Variants in GOLGA5 observed in about 807,000 individuals in gnomAD.
GOLGA5 encodes the protein golgin subfamily A member 5.
In GOLGA5, 50 loss-of-function variants were observed where a neutral mutation model predicts 93.5. That is an observed-to-expected ratio of 0.53 (90% CI 0.43 to 0.68). The LOEUF is 0.68. Ranked by LOEUF, GOLGA5 falls within the 30% of genes least tolerant of loss-of-function variation. The pLI, the probability that GOLGA5 is intolerant of heterozygous loss-of-function variation, is 0.00. For missense variants in GOLGA5, 760 were observed against 856.4 expected, an observed-to-expected ratio of 0.89 and a Z score of 1.40; for synonymous variants, 312 against 304.5, an observed-to-expected ratio of 1.02 and a Z score of -0.26.
intron 1 of GOLGA5, among the ~76,000 whole-genome samples, chr14:92,795,581 T>A (rs939838305): frequency 3.3e-5 from 5 of 152,204 alleles, no homozygotes; most frequent in Non-Finnish European, 7.4e-5. Context: ...CATGTGTACC[T>A]GTGTACAGCA....
At chr14:92,805,385 A>G (rs544185254) in intron 2 of GOLGA5, among the ~76,000 whole-genome samples, 19 of 152,162 alleles carry the variant, frequency 1.2e-4, no homozygotes, top group East Asian at 3.9e-4. Flanking sequence ...CAGTTTATCT[A>G]TTCTCTTTTA....
intron 9 of GOLGA5, among the ~76,000 whole-genome samples, chr14:92,824,923 G>T (rs1885386548): frequency 1.3e-5 from 2 of 152,170 alleles, no homozygotes; most frequent in South Asian, 4.1e-4. Context: ...ACATCAGTGT[G>T]GTTGTGCTGA....
intron 8 of GOLGA5, among the ~76,000 whole-genome samples, chr14:92,823,809 G>C (rs1036669151): frequency 1.3e-5 from 2 of 152,024 alleles, no homozygotes; most frequent in Non-Finnish European, 2.9e-5. Context: ...TTGAGATCAT[G>C]TCAGACTTAT....
At chr14:92,824,055 T>G (rs939792724) in intron 8 of GOLGA5, among the ~76,000 whole-genome samples, 3 of 152,170 alleles carry the variant, frequency 2.0e-5, no homozygotes, top group African/African-American at 7.2e-5. Context: ...TATTGTTTTA[T>G]ATTCTGCCAC....
chr14:92,824,728 C>A, intron 9 of GOLGA5, 84 bp downstream of exon 9: 1 of 711,374 alleles, frequency 1.4e-6, no homozygotes, highest in South Asian at 1.8e-5. Context: ...AGAACTTTCC[C>A]CGTGTTTTCA....
At chr14:92,811,255 TA>T (rs1363603479) in intron 5 of GOLGA5, among the ~76,000 whole-genome samples, 1 of 152,190 alleles carries the variant, frequency 6.6e-6, no homozygotes, top group Non-Finnish European at 1.5e-5. Flanking sequence ...GGAAATTTCT[TA>T]AAAAACAGAT....
chr14:92,799,173 G>T (rs1884805901), intron 2 of GOLGA5, among the ~76,000 whole-genome samples: 1 of 151,920 alleles, frequency 6.6e-6, no homozygotes, highest in South Asian at 2.1e-4. Context: ...GTGTCTCACT[G>T]TGTTGCTCTG....
At position 92,819,731 on chromosome 14, in the gene GOLGA5, T is replaced by C; in HGVS notation, c.1515T>C (p.Asn505=). The change falls in exon 8 of 13, where the codon AAT becomes AAC. Residue 505 remains asparagine, a synonymous_variant. Coordinates refer to ENST00000163416, the MANE Select transcript of GOLGA5 (RefSeq NM_005113.4). ...ELQDMEAQQV[N]EAESAREQLQ... is the part of the protein sequence containing the mutation. The stretch of plus-strand genomic sequence containing the variant: ...AGGATATGGAGGCACAGCAAGTTAA[T>C]GAAGCAGAATCAGCAAGAGAACAGT... 6.2e-7 allele frequency: 1 copy of C among 1,613,888 alleles called. No homozygotes were observed. Among genetic ancestry groups the C allele is most frequent in the Non-Finnish European group, 8.5e-7 (1 of 1,179,770 alleles).
chr14:92,818,010 GA>G (rs1182146033), intron 7 of GOLGA5, among the ~76,000 whole-genome samples: 1 of 151,976 alleles, frequency 6.6e-6, no homozygotes, highest in African/African-American at 2.4e-5. Flanking sequence ...ATTAAAGTAG[GA>G]TTTTTTTTTT....
rs543264934 is a variant in GOLGA5 at position 92,796,546 on chromosome 14, G to A, written c.-30-862G>A. On this transcript the variant is annotated intron_variant, in intron 1 of 12. Transcript: ENST00000163416. ...ATATTTGATTAGGGGCCACCCTGAC[G>A]ACTCATTTTAATTATCCTTTTAGAG... 5.3e-5 allele frequency among the ~76,000 whole-genome samples: 8 copies of A among 152,154 alleles called. No individual in the cohort carries two copies. In the South Asian group the frequency reaches 1.2e-3, roughly 24 times the overall value.
chr14:92,823,254 T>G (rs1377352646), intron 8 of GOLGA5, among the ~76,000 whole-genome samples: 1 of 152,160 alleles, frequency 6.6e-6, no homozygotes, highest in Non-Finnish European at 1.5e-5. Flanking sequence ...ATGTCCTAAA[T>G]TCTCAAGGTA....
chr14:92,826,087 C>T (rs1885415315), intron 9 of GOLGA5, among the ~76,000 whole-genome samples: 2 of 152,080 alleles, frequency 1.3e-5, no homozygotes, highest in South Asian at 4.1e-4. Context: ...CCTAGGAGTT[C>T]AAGGCTGCAG....
At chr14:92,820,400 CAG>C (rs1885292738) in intron 8 of GOLGA5, among the ~76,000 whole-genome samples, 1 of 152,246 alleles carries the variant, frequency 6.6e-6, no homozygotes, top group Admixed American at 6.5e-5. Flanking sequence ...CCTCCAGTCA[CAG>C]GGCGGTTTTT....
chr14:92,807,480 G>A (rs1885013790), intron 3 of GOLGA5, among the ~76,000 whole-genome samples: 1 of 152,282 alleles, frequency 6.6e-6, no homozygotes, highest in East Asian at 1.9e-4. Context: ...AAACATAAGA[G>A]TATTCGCTTC....
Position 92,797,907 on chromosome 14 carries a change from G to T in GOLGA5, c.470G>T (p.Ser157Ile). ...GTCTTTCAGAGCTCTCAGACATCAA[G>T]TGTCAGTTCTGTGAACCCCAGTGTA... ...TPVFQSSQTS[S>I]VSSVNPSVTT... Residue 157 changes from serine to isoleucine, a missense_variant, in exon 2 of 13, where the codon AGT (serine) becomes ATT (isoleucine). By Grantham distance (142) the Ser-to-Ile change is moderately radical. Coordinates refer to ENST00000163416, the MANE Select transcript of GOLGA5 (RefSeq NM_005113.4). 6.2e-7 allele frequency: 1 copy of T among 1,612,054 alleles called. No individual in the cohort carries two copies. The highest frequency in any genetic ancestry group is 8.5e-7 in the Non-Finnish European group (1 of 1,179,312).
At chr14:92,817,160 T>C (rs901982829) in intron 7 of GOLGA5, among the ~76,000 whole-genome samples, 1 of 151,960 alleles carries the variant, frequency 6.6e-6, no homozygotes, top group Non-Finnish European at 1.5e-5. Context: ...AGGCTGGTCT[T>C]GAACTCCTGA....
intron 8 of GOLGA5, among the ~76,000 whole-genome samples, chr14:92,821,988 A>C (rs1409712872): frequency 1.3e-5 from 2 of 152,210 alleles, no homozygotes; most frequent in Non-Finnish European, 2.9e-5. Flanking sequence ...GAGGGAGTTA[A>C]ATAGAAGAAA....
intron 8 of GOLGA5, among the ~76,000 whole-genome samples, 172 bp downstream of exon 8, chr14:92,820,008 G>A (rs1007333827): frequency 6.6e-6 from 1 of 152,174 alleles, no homozygotes; most frequent in African/African-American, 2.4e-5. Flanking sequence ...CTCCACACCT[G>A]TGGGTATATC....
intron 5 of GOLGA5, among the ~76,000 whole-genome samples, chr14:92,811,146 A>G (rs2140320307): frequency 6.6e-6 from 1 of 152,368 alleles, no homozygotes; most frequent in South Asian, 2.1e-4. Flanking sequence ...TCTTTAAAAT[A>G]TGGTGTAATT....
Sources: gnomAD v4.1 joint callset for allele counts (sites outside exome capture counted in the v4.1 genomes callset) on GRCh38, gnomAD v4.1.1 for gene constraint, MANE v1.5 for transcripts, NCBI Gene and HGNC (gene_info 2026-07-23, HGNC 2026-07-21) for gene names.